The following ZNF148 variants were observed in gnomAD, a reference collection of about 807,000 sequenced individuals.
ZNF148 encodes zinc finger protein 148, also known as Beta-Enolase Repressor Factor-1.
In ZNF148, 7 loss-of-function variants were observed where a neutral mutation model predicts 67.7. That is an observed-to-expected ratio of 0.10 (90% confidence interval 0.06 to 0.19). The LOEUF is 0.19. ZNF148 is among the 10% of genes least tolerant of loss of function. ZNF148 has a pLI of 1.00. For synonymous variants in ZNF148, 333 were observed against 330.7 expected, an observed-to-expected ratio of 1.01 and a Z score of -0.08; for missense variants, 583 against 947.1, an observed-to-expected ratio of 0.62 and a Z score of 5.05.
At chr3:125,344,165 C>G (rs945370551) in intron 1 of ZNF148, 1 of 291,148 alleles carries the variant, frequency 3.4e-6, no homozygotes, top group Non-Finnish European at 6.7e-6. Flanking sequence ...TCTATTCCTT[C>G]CTGACCATTC....
intron 4 of ZNF148, among the ~76,000 whole-genome samples, chr3:125,300,702 C>T (rs1052464226): frequency 2.0e-5 from 3 of 152,164 alleles, no homozygotes; most frequent in African/African-American, 7.2e-5. Flanking sequence ...CATTATGTGA[C>T]TAGAGCATGA....
intron 4 of ZNF148, among the ~76,000 whole-genome samples, chr3:125,295,439 T>G (rs902782324): frequency 3.1e-4 from 45 of 145,636 alleles, no homozygotes; most frequent in South Asian, 1.3e-3. Flanking sequence ...GGCGACAGAG[T>G]GAGACTCCAT....
chr3:125,292,242 G>A (rs943551711), intron 4 of ZNF148, among the ~76,000 whole-genome samples: 17 of 152,056 alleles, frequency 1.1e-4, no homozygotes, highest in East Asian at 1.9e-4. Flanking sequence ...ATCCATGACC[G>A]CATGCAAAAT....
intron 4 of ZNF148, among the ~76,000 whole-genome samples, chr3:125,299,200 C>T (rs576899588): frequency 6.6e-6 from 1 of 152,296 alleles, no homozygotes; most frequent in African/African-American, 2.4e-5. Flanking sequence ...ACTGATGTAG[C>T]TAGGCTGACT....
chr3:125,353,210 C>T (rs1247265402), intron 1 of ZNF148, among the ~76,000 whole-genome samples: 1 of 151,924 alleles, frequency 6.6e-6, no homozygotes, highest in Non-Finnish European at 1.5e-5. Flanking sequence ...AGTATACATA[C>T]ATAAACAAAC....
At chr3:125,325,735 C>T (rs1476128091) in intron 2 of ZNF148, among the ~76,000 whole-genome samples, 1 of 152,144 alleles carries the variant, frequency 6.6e-6, no homozygotes, top group African/African-American at 2.4e-5. Flanking sequence ...AAATCCCCAC[C>T]TGTGCTGGGA....
intron 7 of ZNF148, among the ~76,000 whole-genome samples, chr3:125,261,825 G>GA (rs35313913): frequency 2.2e-5 from 3 of 138,976 alleles, no homozygotes; most frequent in Non-Finnish European, 4.6e-5. Flanking sequence ...GGGTTGACAA[G>GA]TTTTTTTTTT....
At chr3:125,323,751 G>A (rs1195117521) in intron 2 of ZNF148, among the ~76,000 whole-genome samples, 1 of 152,100 alleles carries the variant, frequency 6.6e-6, no homozygotes, top group Non-Finnish European at 1.5e-5. Context: ...ACGAGGTCAG[G>A]AGATTGAGAC....
chr3:125,233,612 A>G lies in ZNF148; in HGVS notation c.1114T>C (p.Ser372Pro). Residue 372 changes from serine (S) to proline (P), a missense_variant, in exon 9 of 9, where the codon TCA becomes CCA. Around this residue, in one of 5 missense-constraint regions of ZNF148, gnomAD observed 172 missense variants for 307.7 expected, o/e 0.56. Transcript: ENST00000360647. This position sits in a 1 kb window ranked among gnomAD's most constrained non-coding sequence, Gnocchi z 5.1. ...TCTTCTAAATGCGAGCCCCCAACTG[A>G]CGAATGTGGCATTTCAACAGCATAT... ...AEYAVEMPHS[S>P]VGGSHLEDAS... is the part of the protein sequence containing the mutation. 1 of 1,613,950 alleles carries G rather than the reference A, an allele frequency of 6.2e-7. No individual in the cohort carries two copies. The highest frequency in any genetic ancestry group is 8.5e-7 in the Non-Finnish European group (1 of 1,179,960).
In ZNF148 at chr3:125,323,336, C is replaced by T. The variant is rs1559756385; in HGVS notation, c.-44G>A. ...GAGACTAAGGTAAAAACGAAGACTT[C>T]AAGGAAAGGAATGCTGTAGAGTTGA... On this transcript the variant is annotated 5_prime_UTR_variant, in exon 3 of 9. An upstream open reading frame in the 5' UTR loses its in-frame stop. Transcript: ENST00000360647. 1.5e-6 allele frequency: 1 copy of T among 668,560 alleles called. No individual in the cohort carries two copies. The highest frequency in any genetic ancestry group is 2.7e-6 in the Non-Finnish European group (1 of 373,668). 41.4% of individuals were successfully genotyped at this position (668,560 alleles called of 1,614,324 possible). A position where few individuals can be genotyped will look rare whatever the true frequency, so the allele number is the denominator to read the frequency against.
intron 4 of ZNF148, among the ~76,000 whole-genome samples, chr3:125,304,378 C>T (rs913524803): frequency 1.3e-5 from 2 of 151,992 alleles, no homozygotes; most frequent in Non-Finnish European, 1.5e-5. Context: ...GGATGTAGAC[C>T]AGTGCAATGT....
chr3:125,269,506 T>C (rs1415305107), intron 7 of ZNF148, among the ~76,000 whole-genome samples: 1 of 151,744 alleles, frequency 6.6e-6, no homozygotes, highest in Non-Finnish European at 1.5e-5. Context: ...TATACATTAT[T>C]GGTAGACGTG....
intron 7 of ZNF148, among the ~76,000 whole-genome samples, chr3:125,247,596 C>G (rs549661653): frequency 6.6e-6 from 1 of 152,058 alleles, no homozygotes; most frequent in Non-Finnish European, 1.5e-5. Context: ...TACCACCAGG[C>G]CAGGCTAATT....
intron 7 of ZNF148, among the ~76,000 whole-genome samples, chr3:125,266,291 G>A (rs1579657710): frequency 6.6e-6 from 1 of 152,070 alleles, no homozygotes; most frequent in African/African-American, 2.4e-5. Flanking sequence ...TTTGCACACA[G>A]AACATATTCT....
intron 7 of ZNF148, among the ~76,000 whole-genome samples, chr3:125,238,876 GATGA>G: frequency 6.6e-6 from 1 of 152,190 alleles, no homozygotes; most frequent in East Asian, 1.9e-4. Flanking sequence ...TCCATCAACA[GATGA>G]ATGGATAGAA....
chr3:125,279,325 A>T (rs1319874749), intron 5 of ZNF148, 78 bp from the exon 6 acceptor site: 2 of 1,202,976 alleles, frequency 1.7e-6, no homozygotes, highest in South Asian at 1.9e-5. Context: ...TAAAAAAAAG[A>T]TAATGCAAAC....
rs12487071 is a variant in ZNF148, at chr3:125,338,205, T to C, written c.-233-6967A>G. Among the ~76,000 whole-genome samples the C allele has an allele frequency of 8.0e-3, 1,217 of 152,280 alleles. 11 individuals are homozygous for C. The highest frequency in any genetic ancestry group is 0.031 in the Middle Eastern group (9 of 294). On this transcript the variant is annotated intron_variant, in intron 1 of 8. Transcript: ENST00000360647. ...AGGTCATTTTCAAATTAAGATATAT[T>C]TAACATTACTCTTAGCAATATTCTA...
intron 3 of ZNF148, among the ~76,000 whole-genome samples, chr3:125,318,622 T>C (rs1363160635): frequency 6.6e-6 from 1 of 152,178 alleles, no homozygotes; most frequent in East Asian, 1.9e-4. Context: ...CTTTATCTTG[T>C]AGAGACCTTA....
intron 4 of ZNF148, among the ~76,000 whole-genome samples, chr3:125,291,909 A>G (rs147241816): frequency 1.3e-5 from 2 of 152,320 alleles, no homozygotes; most frequent in Non-Finnish European, 2.9e-5. Context: ...CCCAAGTTAA[A>G]TCAAGGTGAC....
Sources: allele counts gnomAD v4.1 joint callset (sites outside exome capture counted in the v4.1 genomes callset), GRCh38; gene constraint gnomAD v4.1.1; regional missense constraint gnomAD v4.1.1; non-coding constraint Gnocchi (gnomAD v3.1); transcripts MANE v1.5; gene names NCBI Gene and HGNC (gene_info 2026-07-23, HGNC 2026-07-21).